The following SCUBE1 variants were observed in gnomAD, a reference collection of about 807,000 sequenced individuals.
The protein encoded by SCUBE1 is signal peptide, CUB and EGF-like domain-containing protein 1.
SCUBE1 carries 59 observed loss-of-function variants against 124.4 expected under a neutral mutation model. That is an observed-to-expected ratio of 0.47 (90% CI 0.38 to 0.59). The LOEUF is 0.59. Among genes scored for constraint, SCUBE1 ranks in the 20% least tolerant of loss-of-function variants. SCUBE1 has a pLI of 0.00. For missense variants in SCUBE1, 1,150 were observed against 1,371.2 expected, an observed-to-expected ratio of 0.84 and a Z score of 2.55; for synonymous variants, 545 against 550.9, an observed-to-expected ratio of 0.99 and a Z score of 0.15.
At position 43,210,938 on chromosome 22, in the gene SCUBE1, G is replaced by A. The variant is rs188057708; in HGVS notation, c.2367C>T (p.Asn789=). 2.3e-5 allele frequency: 37 copies of A among 1,614,094 alleles called. No homozygotes were observed. The Admixed American group carries it at 4.0e-4, about 17-fold the overall frequency. Residue 789 remains asparagine (N), a synonymous_variant, in exon 18 of 22, where the codon AAC becomes AAT. Transcript: ENST00000360835. This position sits in a 1 kb window ranked among gnomAD's most constrained non-coding sequence, Gnocchi z 4.5. ...NTSTDFDGST[N]VTHCKNQHCG... ...AGCACCCACTTTTGCAGTGTGTGAC[G>A]TTGGTGGAGCCATCGAAGTCTGTGC...
chr22:43,231,343 C>T (rs1012513549), intron 8 of SCUBE1, among the ~76,000 whole-genome samples: 1 of 152,258 alleles, frequency 6.6e-6, no homozygotes, highest in Non-Finnish European at 1.5e-5. Flanking sequence ...GCCCAGACCC[C>T]TCCTCATTAT....
chr22:43,199,279 A>G lies in SCUBE1; in HGVS notation c.*4718T>C. ...TCAACTCCAAAAATGTAAATTAAGC[A>G]TCGGTATGGCTTAAACAGGCCAGGG... On this transcript the variant is annotated 3_prime_UTR_variant, in exon 22 of 22. Transcript: ENST00000360835. 1 of 176,548 alleles carries G rather than the reference A, an allele frequency of 5.7e-6. No homozygotes were observed. Among genetic ancestry groups the G allele is most frequent in the Non-Finnish European group, 1.2e-5 (1 of 83,302 alleles). 10.9% of individuals were successfully genotyped at this position (176,548 alleles called of 1,614,324 possible).
intron 1 of SCUBE1, among the ~76,000 whole-genome samples, chr22:43,341,126 C>T (rs9612044): frequency 0.17 from 26,355 of 152,134 alleles, 2,757 homozygotes; most frequent in Middle Eastern, 0.28. Context: ...CGCACACACA[C>T]GGCAGGTGGC....
Position 43,222,674 on chromosome 22 carries a change from T to C in SCUBE1, c.1396A>G (p.Asn466Asp). Residue 466 changes from asparagine to aspartate, a missense_variant, in exon 12 of 22, where the codon AAC becomes GAC. Around this residue, in one of 3 missense-constraint regions of SCUBE1, gnomAD observed 757 missense variants for 840.9 expected, o/e 0.90. Transcript: ENST00000360835. ...GPQGKALQKR[N>D]GTSSGLGPSC... ...GGCCCGAGGCCAGAGCTGGTGCCGTTGCGTTTCTGCAGCGCCTTGCCCTGC... is the reference window on the plus strand; with the variant it reads ...GGCCCGAGGCCAGAGCTGGTGCCGTCGCGTTTCTGCAGCGCCTTGCCCTGC... The C allele has an allele frequency of 1.2e-6, 2 of 1,603,706 alleles. No individual in the cohort carries two copies. Among genetic ancestry groups the C allele is most frequent in the Non-Finnish European group, 8.5e-7 (1 of 1,175,854 alleles).
intron 3 of SCUBE1, among the ~76,000 whole-genome samples, chr22:43,295,966 G>A (rs1384909688): frequency 2.0e-5 from 3 of 149,622 alleles, no homozygotes; most frequent in Non-Finnish European, 2.9e-5. Context: ...TGTTCTGAAA[G>A]CAAAGGCTCA....
chr22:43,253,635 C>T (rs1923543263), intron 6 of SCUBE1, among the ~76,000 whole-genome samples: 1 of 151,492 alleles, frequency 6.6e-6, no homozygotes, highest in African/African-American at 2.4e-5. Flanking sequence ...CCCTCCTCAC[C>T]TCCTGACCCC....
At chr22:43,206,107 T>C (rs1368963476) in intron 21 of SCUBE1, among the ~76,000 whole-genome samples, 10 of 37,454 alleles carry the variant, frequency 2.7e-4, no homozygotes, top group East Asian at 8.3e-4. Context: ...ACACCACACA[T>C]CCACCACACC....
At chr22:43,288,470 T>C (rs866086813) in intron 4 of SCUBE1, among the ~76,000 whole-genome samples, 4 of 152,306 alleles carry the variant, frequency 2.6e-5, no homozygotes, top group African/African-American at 9.6e-5. Context: ...CCCCATGTTG[T>C]CCAGCCCCCA....
intron 2 of SCUBE1, among the ~76,000 whole-genome samples, chr22:43,328,265 G>A (rs548154668): frequency 3.0e-5 from 4 of 134,192 alleles, no homozygotes; most frequent in East Asian, 5.5e-4. Flanking sequence ...AAATGGAGCC[G>A]TTGGCGCGTG....
chr22:43,310,644 G>A (rs930302974), intron 3 of SCUBE1, among the ~76,000 whole-genome samples: 2 of 152,194 alleles, frequency 1.3e-5, no homozygotes, highest in Admixed American at 6.5e-5. Context: ...CAGAATTCAT[G>A]AGCAAAATAG....
intron 3 of SCUBE1, among the ~76,000 whole-genome samples, chr22:43,317,422 C>A (rs1456902349): frequency 6.6e-6 from 1 of 152,172 alleles, no homozygotes; most frequent in African/African-American, 2.4e-5. Context: ...CTGAGAGTCC[C>A]CTGTGCCGAG....
intron 4 of SCUBE1, among the ~76,000 whole-genome samples, chr22:43,277,566 G>A (rs1268960835): frequency 1.3e-5 from 2 of 152,196 alleles, no homozygotes; most frequent in South Asian, 2.1e-4. Context: ...CTTAGGAGGC[G>A]GTTGGGCCTG....
Position 43,199,040 on chromosome 22 carries a change from A to G in SCUBE1, c.*4957T>C, listed in dbSNP as rs1543793. 14,050 of 143,020 alleles carry G rather than the reference A, an allele frequency of 0.098. 444 individuals carry two copies. The highest frequency in any genetic ancestry group is 0.19 in the African/African-American group (2,777 of 14,740). 8.9% of individuals were successfully genotyped at this position (143,020 alleles called of 1,614,324 possible). On this transcript the variant is annotated 3_prime_UTR_variant, in exon 22 of 22. Transcript: ENST00000360835. ...GTGTCTGTTTGTCTCTCTGCTGTCCAGGGCAATGTGTCTGTTTGTCTGTCT... is the reference window on the plus strand; with the variant it reads ...GTGTCTGTTTGTCTCTCTGCTGTCCGGGGCAATGTGTCTGTTTGTCTGTCT...
intron 15 of SCUBE1, among the ~76,000 whole-genome samples, chr22:43,216,658 AAAAC>A (rs974612503): frequency 1.1e-4 from 17 of 152,002 alleles, no homozygotes; most frequent in African/African-American, 2.4e-4. Flanking sequence ...CTCAAAAATA[AAAAC>A]AAACAAACAA....
chr22:43,269,263 G>A (rs533096837), intron 4 of SCUBE1, among the ~76,000 whole-genome samples: 28 of 152,072 alleles, frequency 1.8e-4, no homozygotes, highest in Middle Eastern at 3.2e-3. Context: ...CTTCCCCACC[G>A]GGGCCTATCT....
intron 4 of SCUBE1, among the ~76,000 whole-genome samples, chr22:43,281,532 T>TCCCTCAGCCACCCTCCTGTCACCTCC (rs1924887760): frequency 1.9e-4 from 10 of 53,900 alleles, no homozygotes; most frequent in Admixed American, 1.8e-3. Flanking sequence ...TCCTGTCACC[T>TCCCTCAGCCACCCTCCTGTCACCTCC]CCCTCAGTCA....
intron 6 of SCUBE1, among the ~76,000 whole-genome samples, chr22:43,254,435 C>T (rs770164124): frequency 5.9e-5 from 9 of 152,202 alleles, no homozygotes; most frequent in Non-Finnish European, 1.2e-4. Context: ...CTGAGGTCCG[C>T]ATGAGGGCCA....
chr22:43,229,168 C>G lies in SCUBE1; in HGVS notation c.988G>C (p.Glu330Gln), dbSNP rs751516631. 1.2e-6 allele frequency: 2 copies of G among 1,613,594 alleles called. No homozygotes were observed. The highest frequency in any genetic ancestry group is 1.7e-6 in the Non-Finnish European group (2 of 1,179,872). Residue 330 changes from glutamate (E) to glutamine (Q), a missense_variant, in exon 9 of 22, where the codon GAG becomes CAG. Physicochemically the swap from Glu to Gln is conservative, Grantham distance 29. Around this residue, in one of 3 missense-constraint regions of SCUBE1, gnomAD observed 337 missense variants for 482.1 expected, o/e 0.70. Coordinates refer to ENST00000360835, the MANE Select transcript of SCUBE1 (RefSeq NM_173050.5). ...ATGCAGATGTGGTCACAGGTCCGCT[C>G]GAAGGAGCACTCGTCGATGTCTGCG... ...TCQDIDECSF[E>Q]RTCDHICINS...
At chr22:43,312,222 A>T (rs1445507612) in intron 3 of SCUBE1, among the ~76,000 whole-genome samples, 1 of 152,256 alleles carries the variant, frequency 6.6e-6, no homozygotes, top group Non-Finnish European at 1.5e-5. Flanking sequence ...CCAAGAAGAA[A>T]GACAGAAAGG....
Sources: allele counts gnomAD v4.1 joint callset (sites outside exome capture counted in the v4.1 genomes callset), GRCh38; gene constraint gnomAD v4.1.1; regional missense constraint gnomAD v4.1.1; non-coding constraint Gnocchi (gnomAD v3.1); transcripts MANE v1.5; gene names NCBI Gene and HGNC (gene_info 2026-07-23, HGNC 2026-07-21).